Variants in RSRC1 observed in about 807,000 individuals in gnomAD.
RSRC1 encodes arginine and serine rich coiled-coil 1, also known as serine/Arginine-related protein 53.
RSRC1 carries 39 observed loss-of-function variants against 49.1 expected under a neutral mutation model. That is an observed-to-expected ratio of 0.79 (90% CI 0.61 to 1.04). RSRC1 has a LOEUF of 1.04. RSRC1 is among the 50% of genes least tolerant of loss of function. The pLI is 0.00. For missense variants in RSRC1, 388 were observed against 402.4 expected (o/e 0.96, Z 0.31); for synonymous variants, 143 against 130.8 (o/e 1.09, Z -0.63).
At chr3:158,251,486 A>G (rs939923301) in intron 4 of RSRC1, among the ~76,000 whole-genome samples, 3 of 152,170 alleles carry the variant, frequency 2.0e-5, no homozygotes, top group South Asian at 2.1e-4. Context: ...GTCCTCTTCA[A>G]TTTCTTTCAC....
intron 6 of RSRC1, among the ~76,000 whole-genome samples, chr3:158,460,703 T>G (rs1737564320): frequency 6.6e-6 from 1 of 151,854 alleles, no homozygotes; most frequent in Non-Finnish European, 1.5e-5. Context: ...TCATTTTCCC[T>G]TTAGTACAGA....
intron 6 of RSRC1, among the ~76,000 whole-genome samples, chr3:158,410,543 A>C (rs1274071426): frequency 6.6e-6 from 1 of 152,178 alleles, no homozygotes; most frequent in Non-Finnish European, 1.5e-5. Context: ...AAAATAAATA[A>C]GACTTTTATG....
chr3:158,177,287 T>A (rs1719283298), intron 3 of RSRC1, among the ~76,000 whole-genome samples: 1 of 152,154 alleles, frequency 6.6e-6, no homozygotes, highest in Non-Finnish European at 1.5e-5. Context: ...CAATCCCATT[T>A]CTGCATATAT....
chr3:158,319,787 T>G (rs1728659960), intron 5 of RSRC1, among the ~76,000 whole-genome samples: 2 of 152,316 alleles, frequency 1.3e-5, no homozygotes, highest in South Asian at 4.1e-4. Context: ...CAGCTTTAAA[T>G]TTCTCTTCCC....
chr3:158,487,378 A>G (rs982098311), intron 7 of RSRC1, among the ~76,000 whole-genome samples: 1 of 152,172 alleles, frequency 6.6e-6, no homozygotes, highest in Non-Finnish European at 1.5e-5. Context: ...ACCATGACAC[A>G]CTTTTTATTT....
chr3:158,237,789 C>A (rs1021893781), intron 4 of RSRC1, among the ~76,000 whole-genome samples: 1 of 152,116 alleles, frequency 6.6e-6, no homozygotes, highest in African/African-American at 2.4e-5. Context: ...TAATTGAATA[C>A]CCTTTATTTC....
intron 6 of RSRC1, among the ~76,000 whole-genome samples, chr3:158,361,477 G>A (rs985972526): frequency 6.6e-6 from 1 of 152,098 alleles, no homozygotes; most frequent in African/African-American, 2.4e-5. Context: ...GGACACAGGG[G>A]ACCCACTACC....
chr3:158,265,077 ACT>A (rs1725095344), intron 4 of RSRC1, among the ~76,000 whole-genome samples: 1 of 151,890 alleles, frequency 6.6e-6, no homozygotes. Context: ...GCCAGCTCTG[ACT>A]CTGCAAATCC....
At chr3:158,296,622 A>G (rs546647372) in intron 4 of RSRC1, among the ~76,000 whole-genome samples, 1 of 152,146 alleles carries the variant, frequency 6.6e-6, no homozygotes, top group East Asian at 1.9e-4. Context: ...TTGTAATGAT[A>G]AAGTATAAAA....
intron 5 of RSRC1, among the ~76,000 whole-genome samples, chr3:158,319,960 T>C (rs1224094692): frequency 6.6e-6 from 1 of 152,220 alleles, no homozygotes; most frequent in Non-Finnish European, 1.5e-5. Context: ...TTCAAAAGAC[T>C]ACTGGTATAG....
intron 4 of RSRC1, among the ~76,000 whole-genome samples, chr3:158,216,389 CT>C (rs1578206340): frequency 6.6e-6 from 1 of 150,600 alleles, no homozygotes; most frequent in African/African-American, 2.4e-5. Flanking sequence ...TTATATTTTC[CT>C]TATTATATTT....
At chr3:158,328,605 G>A (rs1306478846) in intron 5 of RSRC1, among the ~76,000 whole-genome samples, 2 of 152,306 alleles carry the variant, frequency 1.3e-5, no homozygotes, top group African/African-American at 2.4e-5. Context: ...GAGATCAGCT[G>A]TTAGTCTGAT....
Position 158,189,412 on chromosome 3 carries a change from T to G in RSRC1, c.321-13660T>G, listed in dbSNP as rs139197853. Among the ~76,000 whole-genome samples, 177 of 152,058 alleles carry G rather than the reference T, an allele frequency of 1.2e-3. 5 individuals are homozygous for G. In the East Asian group the frequency reaches 0.026, roughly 23 times the overall value. On this transcript the variant is annotated intron_variant, in intron 3 of 9. Coordinates refer to ENST00000611884, the MANE Select transcript of RSRC1 (RefSeq NM_001271838.2). The stretch of plus-strand genomic sequence containing the variant: ...ATTCTGCCTTTAAGTTTTGTCAACT[T>G]CTGCTTTACATATTTTGAGGCTCTT...
chr3:158,317,765 G>T (rs939372284), intron 5 of RSRC1, among the ~76,000 whole-genome samples: 8 of 151,532 alleles, frequency 5.3e-5, no homozygotes, highest in African/African-American at 1.9e-4. Flanking sequence ...TCACCATGTT[G>T]CCCAGGCTGG....
At position 158,118,462 on chromosome 3, in the gene RSRC1, T is replaced by TGTGTGTGTGTGTGTGCGC. The variant is rs1491469875; in HGVS notation, c.-2-3640_-2-3639insTGTGTGTGTGTGTGCGCG. On this transcript the variant is annotated intron_variant, in intron 1 of 9. Transcript: ENST00000611884. ...GTGTGTGTGTGTGTGTGTGTGTGTG[T>TGTGTGTGTGTGTGTGCGC]GCGCGTGCGCGTGGTTTTTTTAAAT... Among the ~76,000 whole-genome samples, 209 of 124,694 alleles carry TGTGTGTGTGTGTGTGCGC rather than the reference T, an allele frequency of 1.7e-3. 2 individuals are homozygous for TGTGTGTGTGTGTGTGCGC. The highest frequency in any genetic ancestry group is 2.9e-3 in the African/African-American group (88 of 30,248). 81.8% of individuals were successfully genotyped at this position (124,694 alleles called of 152,430 possible). A position where few individuals can be genotyped will look rare whatever the true frequency, so the allele number is the denominator to read the frequency against.
chr3:158,181,170 G>C (rs1267066373), intron 3 of RSRC1, among the ~76,000 whole-genome samples: 2 of 152,188 alleles, frequency 1.3e-5, no homozygotes, highest in Non-Finnish European at 2.9e-5. Flanking sequence ...CATTGAACTA[G>C]ATGATCAGCA....
chr3:158,300,204 A>G (rs1222473257), intron 5 of RSRC1, among the ~76,000 whole-genome samples: 1 of 152,216 alleles, frequency 6.6e-6, no homozygotes, highest in Non-Finnish European at 1.5e-5. Flanking sequence ...TTGGGAATAA[A>G]GAGCCAGGAC....
At chr3:158,506,379 C>T (rs1739860794) in intron 7 of RSRC1, among the ~76,000 whole-genome samples, 1 of 151,916 alleles carries the variant, frequency 6.6e-6, no homozygotes, top group Admixed American at 6.6e-5. Flanking sequence ...AATTTGAGGC[C>T]AGCATGGTCA....
At chr3:158,469,205 A>T (rs1738020216) in intron 7 of RSRC1, 2 of 292,206 alleles carry the variant, frequency 6.8e-6, no homozygotes, top group South Asian at 6.3e-5. Context: ...TTACTAAGCC[A>T]GGAAGACCTA....
Sources: allele counts gnomAD v4.1 joint callset (sites outside exome capture counted in the v4.1 genomes callset), GRCh38; gene constraint gnomAD v4.1.1; transcripts MANE v1.5; gene names NCBI Gene and HGNC (gene_info 2026-07-23, HGNC 2026-07-21).